Variants in PI4KB observed in about 807,000 individuals in gnomAD.
PI4KB encodes the protein PtdIns 4-kinase beta.
In PI4KB, 23 loss-of-function variants were observed where a neutral mutation model predicts 81.4. The ratio of observed to expected loss-of-function variants is 0.28; its 90% CI spans 0.20 to 0.40. The LOEUF (loss-of-function observed/expected upper bound fraction) is 0.40. Among genes scored for constraint, PI4KB ranks in the 10% least tolerant of loss-of-function variants. The pLI, the probability that PI4KB is intolerant of heterozygous loss-of-function variation, is 1.00. For synonymous variants in PI4KB, 381 were observed against 406.8 expected (o/e 0.94, Z 0.76); for missense variants, 651 against 1,036.6 (o/e 0.63, Z 5.11).
At position 151,302,293 on chromosome 1, in the gene PI4KB, C is replaced by T. The variant is rs1390693887; in HGVS notation, c.1526G>A (p.Arg509His). 25 of 1,613,302 alleles carry T rather than the reference C, an allele frequency of 1.5e-5. No individual in the cohort carries two copies. Among genetic ancestry groups the T allele is most frequent in the Non-Finnish European group, 2.0e-5 (24 of 1,179,272 alleles). ...VFIAAGDIRR[R>H]LSEQLAHTPT... ...GGTATGAGCCAGCTGTTCCGAAAGG[C>T]GCCGGCTGGCAGGAAGAAAATACAT... is the stretch of plus-strand genomic sequence containing the variant. Residue 509 changes from arginine to histidine, a missense_variant, in exon 7 of 12, where the codon CGC (arginine) becomes CAC (histidine). Arg to His is a conservative substitution (Grantham distance 29). Coordinates refer to ENST00000368873, the MANE Select transcript of PI4KB (RefSeq NM_001369623.2).
chr1:151,293,453 C>G, intron 11 of PI4KB: 1 of 1,205,720 alleles, frequency 8.3e-7, no homozygotes, highest in Non-Finnish European at 1.1e-6. Flanking sequence ...TCCTGAGCAA[C>G]GGCGACAACC....
chr1:151,313,966 C>A (rs1385300790), intron 2 of PI4KB, among the ~76,000 whole-genome samples: 1 of 152,226 alleles, frequency 6.6e-6, no homozygotes, highest in East Asian at 1.9e-4. Flanking sequence ...TCCTTGCTGG[C>A]AAAATAATAC....
intron 9 of PI4KB, among the ~76,000 whole-genome samples, chr1:151,297,369 A>C (rs1349173577): frequency 8.9e-6 from 1 of 112,844 alleles, no homozygotes. Context: ...TTTTTTTGAG[A>C]CTCGCTTTGT....
At chr1:151,302,391 T>C (rs1695356733) in intron 6 of PI4KB, 93 bp from the exon 7 acceptor site, 1 of 864,386 alleles carries the variant, frequency 1.2e-6, no homozygotes, top group African/African-American at 1.7e-5. Context: ...GTCTCCTGGA[T>C]TCTGGACACA....
At chr1:151,312,789 G>C (rs2101980726) in intron 2 of PI4KB, among the ~76,000 whole-genome samples, 1 of 152,336 alleles carries the variant, frequency 6.6e-6, no homozygotes, top group South Asian at 2.1e-4. Context: ...TGAGGCGAGA[G>C]GATGACTTGA....
chr1:151,299,691 C>T (rs587711246), intron 8 of PI4KB, among the ~76,000 whole-genome samples: 75 of 150,082 alleles, frequency 5.0e-4, no homozygotes, highest in African/African-American at 1.2e-3. Context: ...CTCTCTCCGA[C>T]GAAAAAAAAG....
chr1:151,303,507 A>T, intron 6 of PI4KB, 34 bp downstream of exon 6: 3 of 1,265,688 alleles, frequency 2.4e-6, no homozygotes, highest in Non-Finnish European at 3.5e-6. Context: ...TGAAAGAGGG[A>T]TGAAAAATGA....
At chr1:151,297,287 C>T (rs1194549360) in intron 9 of PI4KB, among the ~76,000 whole-genome samples, 1 of 151,474 alleles carries the variant, frequency 6.6e-6, no homozygotes, top group African/African-American at 2.4e-5. Context: ...ACTATGTTGC[C>T]TAGGCTAGTC....
intron 4 of PI4KB, among the ~76,000 whole-genome samples, chr1:151,306,896 G>A (rs912890810): frequency 5.9e-5 from 9 of 152,194 alleles, no homozygotes; most frequent in Non-Finnish European, 1.2e-4. Flanking sequence ...CCAAGATGGC[G>A]AAACCCCGTC....
rs587660062 is a variant in PI4KB, at chr1:151,292,513, C to T, written c.*339G>A. 9 of 232,338 alleles carry T rather than the reference C, an allele frequency of 3.9e-5. No homozygotes were observed. The East Asian group carries it at 1.1e-3, about 27-fold the overall frequency. The allele number at this position is 232,338 out of a possible 1,614,324, so 14.4% of individuals were successfully genotyped here. A position where few individuals can be genotyped will look rare whatever the true frequency, so the allele number is the denominator to read the frequency against. ...TAAGAGGATGGCCTGTGGAAAGAACCTCTGAGAGACCCCTACAAGGAGAAG... is the reference window on the plus strand; with the variant it reads ...TAAGAGGATGGCCTGTGGAAAGAACTTCTGAGAGACCCCTACAAGGAGAAG... On this transcript the variant is annotated 3_prime_UTR_variant, in exon 12 of 12. Transcript: ENST00000368873.
At position 151,316,460 on chromosome 1, in the gene PI4KB, G is replaced by T. The variant is rs776717338; in HGVS notation, c.22C>A (p.Pro8Thr). Residue 8 changes from proline (P) to threonine (T), a missense_variant, in exon 2 of 12, where the codon CCT becomes ACT. Around this residue, in one of 5 missense-constraint regions of PI4KB, gnomAD observed 314 missense variants for 397.8 expected, o/e 0.79. Coordinates refer to ENST00000368873, the MANE Select transcript of PI4KB (RefSeq NM_001369623.2). MGDTVVE[P>T]APLKPTSEPT... ...TCAGAAGTTGGCTTCAAGGGGGCAG[G>T]CTCCACTACTGTATCTCCCATGGCC... is the stretch of plus-strand genomic sequence containing the variant. The T allele has an allele frequency of 1.3e-6, 2 of 1,547,194 alleles. No individual in the cohort carries two copies. Among genetic ancestry groups the T allele is most frequent in the East Asian group, 2.2e-5 (1 of 44,452 alleles).
At chr1:151,316,537 C>T (rs756845361) in intron 1 of PI4KB, 28 bp from the exon 2 acceptor site, 15 of 1,482,764 alleles carry the variant, frequency 1.0e-5, no homozygotes, top group Middle Eastern at 1.8e-4. Flanking sequence ...GAGAAAAGAA[C>T]AGAAAGGGAG....
rs1694381164 is a variant in PI4KB, at chr1:151,292,566, C to T, written c.*286G>A. On this transcript the variant is annotated 3_prime_UTR_variant, in exon 12 of 12. Transcript: ENST00000368873. ...AGGCCCCAGTGTCCCTCACATTTGT[C>T]ACCTCTGTTTTCTGGAGGGCAGTGA... is the stretch of plus-strand genomic sequence containing the variant. The T allele has an allele frequency of 2.6e-6, 1 of 388,042 alleles. No individual in the cohort carries two copies. The highest frequency in any genetic ancestry group is 4.7e-6 in the Non-Finnish European group (1 of 213,406). 24.0% of individuals were successfully genotyped at this position (388,042 alleles called of 1,614,324 possible).
chr1:151,310,924 C>G (rs1696167223), intron 2 of PI4KB, among the ~76,000 whole-genome samples: 1 of 152,196 alleles, frequency 6.6e-6, no homozygotes, highest in Non-Finnish European at 1.5e-5. Flanking sequence ...AATCTCCTAT[C>G]TACCAAACCT....
Position 151,318,415 on chromosome 1 carries a change from C to CAA in PI4KB, c.-28-1908_-28-1907dup, listed in dbSNP as rs1372876914. 2.0e-4 allele frequency among the ~76,000 whole-genome samples: 10 copies of CAA among 50,392 alleles called. No individual in the cohort carries two copies. The Middle Eastern group carries it at 0.048, about 244-fold the overall frequency. 33.1% of individuals were successfully genotyped at this position (50,392 alleles called of 152,430 possible). On this transcript the variant is annotated intron_variant, in intron 1 of 11. Transcript: ENST00000368873. ...CTGGAGACAGAGTGAGACTCTGTCT[C>CAA]AAAAAAAAAAAAAAAGGCCGGGCGC... is the stretch of plus-strand genomic sequence containing the variant.
In PI4KB at chr1:151,315,623, T is replaced by C; in HGVS notation, c.859A>G (p.Ser287Gly). The C allele has an allele frequency of 6.2e-7, 1 of 1,614,188 alleles. No homozygotes were observed. Residue 287 changes from serine (S) to glycine (G), a missense_variant, in exon 2 of 12, where the codon AGC becomes GGC. By Grantham distance (56) the Ser-to-Gly change is moderately conservative. This residue lies in a region of PI4KB where 314 missense variants were observed against 397.8 expected (regional missense o/e 0.79). Coordinates refer to ENST00000368873, the MANE Select transcript of PI4KB (RefSeq NM_001369623.2). ...TTGCTGGCTGTTCGTTTCAGGTTGC[T>C]GCTGAGACTTATGCTGGCAGTGGCA... The part of the protein sequence containing the change: ...SDATASISLS[S>G]NLKRTASNPK...
chr1:151,323,738 A>C (rs1398903607), intron 1 of PI4KB, among the ~76,000 whole-genome samples: 1 of 152,168 alleles, frequency 6.6e-6, no homozygotes, highest in Non-Finnish European at 1.5e-5. Context: ...AAACAAACAA[A>C]AACAACAACA....
chr1:151,305,775 A>G (rs1044389083), intron 5 of PI4KB, among the ~76,000 whole-genome samples: 4 of 152,214 alleles, frequency 2.6e-5, no homozygotes, highest in African/African-American at 9.6e-5. Context: ...GGCACATAGA[A>G]GGCCCTCAAT....
chr1:151,298,445 C>T (rs587630701), intron 9 of PI4KB: 2 of 228,172 alleles, frequency 8.8e-6, no homozygotes, highest in African/African-American at 4.6e-5. Context: ...CATGGTACCA[C>T]CTCCTACTCC....
Sources: allele counts gnomAD v4.1 joint callset (sites outside exome capture counted in the v4.1 genomes callset), GRCh38; gene constraint gnomAD v4.1.1; regional missense constraint gnomAD v4.1.1; transcripts MANE v1.5; gene names NCBI Gene and HGNC (gene_info 2026-07-23, HGNC 2026-07-21).